The following TSHZ3 variants were observed in gnomAD, a reference collection of about 807,000 sequenced individuals.
TSHZ3 encodes teashirt homolog 3.
TSHZ3 carries 10 observed loss-of-function variants against 64.5 expected under a neutral mutation model. That is an observed-to-expected ratio of 0.16 (90% CI 0.10 to 0.26). The LOEUF (loss-of-function observed/expected upper bound fraction) is 0.26. Ranked by LOEUF, TSHZ3 falls within the 10% of genes least tolerant of loss-of-function variation. The pLI is 1.00. For missense variants in TSHZ3, 1,242 were observed against 1,421.7 expected (o/e 0.87, Z 2.03); for synonymous variants, 608 against 593.1 (o/e 1.03, Z -0.36).
chr19:31,276,957 T>C lies in TSHZ3; in HGVS notation c.2836A>G (p.Ile946Val). ...TTCACGTTGGCCAGCCAGTGGCTGA[T>C]GGTGGTCATGGACAGCCCGGTGAAC... ...SRFTGLSMTT[I>V]SHWLANVKYQ... The change falls in exon 2 of 2, where the codon ATC becomes GTC. Residue 946 changes from isoleucine (I) to valine (V), a missense_variant. Transcript: ENST00000240587. 1 of 1,614,180 alleles carries C rather than the reference T, an allele frequency of 6.2e-7. No individual in the cohort carries two copies. The highest frequency in any genetic ancestry group is 1.1e-5 in the South Asian group (1 of 91,086).
chr19:31,190,579 C>T (rs1206657213), intron 5 of TSHZ3, among the ~76,000 whole-genome samples: 1 of 152,106 alleles, frequency 6.6e-6, no homozygotes, highest in Non-Finnish European at 1.5e-5. Flanking sequence ...ACTCAACACT[C>T]TTTAGACCAA....
intron 4 of TSHZ3, among the ~76,000 whole-genome samples, chr19:31,211,458 G>A (rs889155312): frequency 1.1e-4 from 17 of 152,294 alleles, no homozygotes; most frequent in African/African-American, 1.7e-4. Context: ...AACTTCTCTT[G>A]AGCGGATGGA....
At chr19:31,342,637 A>G (rs904694806) in intron 1 of TSHZ3, among the ~76,000 whole-genome samples, 1 of 152,246 alleles carries the variant, frequency 6.6e-6, no homozygotes, top group Non-Finnish European at 1.5e-5. Flanking sequence ...GAGGAAACTG[A>G]ATACATAGGA....
At chr19:31,344,194 C>T (rs1174608316) in intron 1 of TSHZ3, among the ~76,000 whole-genome samples, 1 of 152,178 alleles carries the variant, frequency 6.6e-6, no homozygotes, top group Admixed American at 6.5e-5. Context: ...CAGACACACA[C>T]ACGCACACAC....
In TSHZ3 at chr19:31,279,835, G is replaced by A; in HGVS notation, c.41-83C>T. 1 of 1,234,450 alleles carries A rather than the reference G, an allele frequency of 8.1e-7. No individual in the cohort carries two copies. Among genetic ancestry groups the A allele is most frequent in the South Asian group, 2.0e-5 (1 of 49,768 alleles). 76.5% of individuals were successfully genotyped at this position (1,234,450 alleles called of 1,614,324 possible). ...GAGAAGGAGAGAAAGAAAAAAAAAA[G>A]CATTAGTACTTGTTGATCTTACCTA... On this transcript the variant is annotated intron_variant, in intron 1 of 1. Coordinates refer to ENST00000240587, the MANE Select transcript of TSHZ3 (RefSeq NM_020856.4). This position sits in a 1 kb window ranked among gnomAD's most constrained non-coding sequence, Gnocchi z 6.4.
intron 4 of TSHZ3, among the ~76,000 whole-genome samples, chr19:31,223,320 C>T (rs1975415321): frequency 1.3e-5 from 2 of 151,560 alleles, no homozygotes; most frequent in African/African-American, 2.4e-5. Flanking sequence ...ATACCTTCTC[C>T]CAGGTAGGTC....
At chr19:31,204,898 C>G (rs1975143212) in intron 5 of TSHZ3, 1 of 152,296 alleles carries the variant, frequency 6.6e-6, no homozygotes, top group African/African-American at 2.4e-5. Flanking sequence ...GGAGCTGGAG[C>G]TGGACAGCCC....
At chr19:31,165,704 C>T (rs998265316) in intron 5 of TSHZ3, among the ~76,000 whole-genome samples, 8 of 152,048 alleles carry the variant, frequency 5.3e-5, no homozygotes, top group Non-Finnish European at 1.0e-4. Context: ...TTGTGTGTGT[C>T]CCCGAATCAG....
At chr19:31,153,296 A>G (rs1269165112) in intron 6 of TSHZ3, among the ~76,000 whole-genome samples, 1 of 152,244 alleles carries the variant, frequency 6.6e-6, no homozygotes, top group Non-Finnish European at 1.5e-5. Context: ...TAAAAAATGT[A>G]CATTCTAGAC....
downstream of TSHZ3, among the ~76,000 whole-genome samples, chr19:31,272,401 C>A (rs1273533712): frequency 6.6e-6 from 1 of 152,100 alleles, no homozygotes; most frequent in Non-Finnish European, 1.5e-5. Context: ...GGACACACAA[C>A]CTCTGTCTGA....
At chr19:31,160,732 G>A (rs555092526) in intron 5 of TSHZ3, among the ~76,000 whole-genome samples, 2 of 150,748 alleles carry the variant, frequency 1.3e-5, no homozygotes, top group East Asian at 2.0e-4. Context: ...ATACACACAC[G>A]TATACACACA....
intron 1 of TSHZ3, among the ~76,000 whole-genome samples, chr19:31,249,930 C>T (rs1214577361): frequency 1.3e-5 from 2 of 152,242 alleles, no homozygotes; most frequent in African/African-American, 4.8e-5. Context: ...TTATCATCCA[C>T]ATTTGCTTCC....
chr19:31,277,220 T>A lies in TSHZ3; in HGVS notation c.2573A>T (p.His858Leu). ...GGAAGGAGTGGAGGATTTTGACGTG[T>A]GGCTCTCTGTCAAGTTCTTCAGCAT... ...SDMLKNLTES[H>L]TSKSSTPSSI... The change falls in exon 2 of 2, where the codon CAC (histidine) becomes CTC (leucine). Residue 858 changes from histidine to leucine, a missense_variant. Physicochemically the swap from His to Leu is moderately conservative, Grantham distance 99. This residue lies in a region of TSHZ3 where 550 missense variants were observed against 545.1 expected (regional missense o/e 1.01). Transcript: ENST00000240587. This position sits in a 1 kb window ranked among gnomAD's most constrained non-coding sequence, Gnocchi z 4.5. The A allele has an allele frequency of 6.2e-7, 1 of 1,614,234 alleles. No individual in the cohort carries two copies.
intron 1 of TSHZ3, among the ~76,000 whole-genome samples, chr19:31,291,654 T>C (rs1215153041): frequency 2.6e-5 from 4 of 152,104 alleles, no homozygotes; most frequent in Admixed American, 1.3e-4. Flanking sequence ...AAAGAATAAA[T>C]AAATACTCAC....
rs868734772 is a variant in TSHZ3 at position 31,308,676 on chromosome 19, G to A, written c.41-28924C>T. ...GGGCAGCACGTTCTCCACCCACCAC[G>A]TGCTGAGAACCTCCACCCAATTGAT... On this transcript the variant is annotated intron_variant, in intron 1 of 1. Coordinates refer to ENST00000240587, the MANE Select transcript of TSHZ3 (RefSeq NM_020856.4). 2.0e-5 allele frequency: 8 copies of A among 398,492 alleles called. 1 individual carries two copies. The highest frequency in any genetic ancestry group is 4.1e-5 in the African/African-American group (2 of 48,588). The allele number at this position is 398,492 out of a possible 1,614,324, so 24.7% of individuals were successfully genotyped here.
At chr19:31,228,664 T>G (rs1242042818) in intron 3 of TSHZ3, among the ~76,000 whole-genome samples, 1 of 152,176 alleles carries the variant, frequency 6.6e-6, no homozygotes, top group East Asian at 1.9e-4. Flanking sequence ...AGCTGGGATA[T>G]TTGAACACTG....
chr19:31,348,146 G>T (rs2021569381), intron 1 of TSHZ3, among the ~76,000 whole-genome samples: 1 of 152,152 alleles, frequency 6.6e-6, no homozygotes, highest in Non-Finnish European at 1.5e-5. Context: ...TCGGCAATCC[G>T]CCCCAAATCC....
intron 5 of TSHZ3, among the ~76,000 whole-genome samples, chr19:31,170,655 A>G (rs1319812121): frequency 6.6e-6 from 1 of 152,228 alleles, no homozygotes; most frequent in East Asian, 1.9e-4. Context: ...GCATCAGTTT[A>G]TGAATAGGAA....
intron 1 of TSHZ3, among the ~76,000 whole-genome samples, chr19:31,285,027 A>T (rs1976431007): frequency 6.6e-6 from 1 of 152,192 alleles, no homozygotes; most frequent in African/African-American, 2.4e-5. Flanking sequence ...TCTGAGAGTG[A>T]CTGGCACATT....
Sources: allele counts gnomAD v4.1 joint callset (sites outside exome capture counted in the v4.1 genomes callset), GRCh38; gene constraint gnomAD v4.1.1; regional missense constraint gnomAD v4.1.1; non-coding constraint Gnocchi (gnomAD v3.1); transcripts MANE v1.5; gene names NCBI Gene and HGNC (gene_info 2026-07-23, HGNC 2026-07-21).